The following NTN5 variants were observed in gnomAD, a reference collection of about 807,000 sequenced individuals.
The protein encoded by NTN5 is netrin 5, also known as netrin-5.
Under a neutral mutation model 38.7 loss-of-function variants are expected in NTN5, and 42 were observed. That is an observed-to-expected ratio of 1.08 (90% CI 0.85 to 1.40). The LOEUF is 1.40. Among genes scored for constraint, NTN5 ranks in the 40% most tolerant of loss-of-function variants. The pLI, the probability that NTN5 is intolerant of heterozygous loss-of-function variation, is 0.00. For synonymous variants in NTN5, 329 were observed against 303.9 expected, an observed-to-expected ratio of 1.08 and a Z score of -0.86; for missense variants, 658 against 716.5, an observed-to-expected ratio of 0.92 and a Z score of 0.93.
In NTN5 at chr19:48,664,688, A is replaced by T; in HGVS notation, c.711T>A (p.Gly237=). ...LFRLSGGRSG[G]VCERCRHHTA... Reference sequence around the variant, plus strand: ...TGTGGTGGCGGCACCGCTCACAAACACCCCCACTCCGGCCGCCCGACAGTC... The same window carrying T: ...TGTGGTGGCGGCACCGCTCACAAACTCCCCCACTCCGGCCGCCCGACAGTC... The change falls in exon 3 of 7, where the codon GGT becomes GGA. Residue 237 remains glycine (G), a synonymous_variant. Transcript: ENST00000270235. 6.2e-7 allele frequency: 1 copy of T among 1,606,968 alleles called. No homozygotes were observed. The highest frequency in any genetic ancestry group is 8.5e-7 in the Non-Finnish European group (1 of 1,177,532).
At chr19:48,663,216 A>T (rs1330388678) in intron 6 of NTN5, 1 of 627,266 alleles carries the variant, frequency 1.6e-6, no homozygotes, top group Admixed American at 2.1e-5. Flanking sequence ...GCTGAAGGAG[A>T]TGATGAAACT....
At position 48,670,539 on chromosome 19, in the gene NTN5, C is replaced by A; in HGVS notation, c.448G>T (p.Ala150Ser). 1 of 1,503,746 alleles carries A rather than the reference C, an allele frequency of 6.7e-7. No homozygotes were observed. The highest frequency in any genetic ancestry group is 8.9e-7 in the Non-Finnish European group (1 of 1,123,722). 93.2% of individuals were successfully genotyped at this position (1,503,746 alleles called of 1,614,324 possible). Residue 150 changes from alanine (A) to serine (S), a missense_variant, in exon 2 of 7, where the codon GCA (alanine) becomes TCA (serine). Ala to Ser is a moderately conservative substitution (Grantham distance 99, BLOSUM62 1). Transcript: ENST00000270235. ...VEFGGQAGLA[A>S]AGLRGRCQCH... ...TGGCAGCGGCCTCTCAGCCCAGCTG[C>A]CGCTAGCCCGGCCTGGCCCCCAAAC... is the stretch of plus-strand genomic sequence containing the variant.
chr19:48,664,890 G>T (rs2031658034), intron 2 of NTN5, 123 bp from the exon 3 acceptor site: 1 of 757,422 alleles, frequency 1.3e-6, no homozygotes. Flanking sequence ...AGAAGAGAAT[G>T]CCTGGGTCCC....
At chr19:48,668,435 A>G (rs1308536992) in intron 2 of NTN5, among the ~76,000 whole-genome samples, 2 of 152,206 alleles carry the variant, frequency 1.3e-5, no homozygotes, top group Non-Finnish European at 2.9e-5. Context: ...TGGTGGAGGA[A>G]ACTGGGGCAC....
intron 1 of NTN5, among the ~76,000 whole-genome samples, 151 bp from the exon 2 acceptor site, chr19:48,671,157 G>A (rs1322805383): frequency 1.3e-5 from 2 of 152,266 alleles, no homozygotes; most frequent in African/African-American, 2.4e-5. Context: ...TCCATCTGGG[G>A]AGAATTACTG....
rs955533448 is a variant in NTN5 at position 48,670,736 on chromosome 19, G to A, written c.251C>T (p.Thr84Ile). Residue 84 changes from threonine (T) to isoleucine (I), a missense_variant, in exon 2 of 7, where the codon ACC becomes ATC. Physicochemically the swap from Thr to Ile is moderately conservative, Grantham distance 89. Transcript: ENST00000270235. ...CAGGATGAGGGCTGGGGGTCCTGGG[G>A]TACAGAAGCGCAAGCTGACAGATGT... Reference protein sequence around the residue: ...LLTSVSLRFCTPGPPALILSA... With the variant: ...LLTSVSLRFCIPGPPALILSA... 1.9e-6 allele frequency: 3 copies of A among 1,612,966 alleles called. No individual in the cohort carries two copies. Among genetic ancestry groups the A allele is most frequent in the Non-Finnish European group, 2.5e-6 (3 of 1,179,910 alleles).
chr19:48,669,714 A>G (rs1330031972), intron 2 of NTN5, among the ~76,000 whole-genome samples: 1 of 141,264 alleles, frequency 7.1e-6, no homozygotes, highest in African/African-American at 2.7e-5. Flanking sequence ...CATCACCACC[A>G]TCACCACCAC....
In NTN5 at chr19:48,664,226, C is replaced by A. The variant is rs1367698432; in HGVS notation, c.887G>T (p.Cys296Phe). 1.2e-6 allele frequency: 2 copies of A among 1,612,296 alleles called. No individual in the cohort carries two copies. Among genetic ancestry groups the A allele is most frequent in the Admixed American group, 3.4e-5 (2 of 59,668 alleles). ...GGTCAGGCCTGTGACCCCTAACTTG[C>A]AGGTGCACTGCCCACTGGTCTGGTT... ...TCNQTSGQCT[C>F]KLGVTGLTCN... Residue 296 changes from cysteine to phenylalanine, a missense_variant, in exon 4 of 7, where the codon TGC becomes TTC. Physicochemically the swap from Cys to Phe is radical, Grantham distance 205 (BLOSUM62 -2). Transcript: ENST00000270235.
chr19:48,664,469 C>A lies in NTN5; in HGVS notation c.820+110G>T, dbSNP rs868658601. On this transcript the variant is annotated intron_variant, in intron 3 of 6. Transcript: ENST00000270235. ...TCAGGCCCAGAGTCCAGGCCCCCAG[C>A]CCCTCCTCCCTCAGATCCAGGAATC... 44 of 1,328,996 alleles carry A rather than the reference C, an allele frequency of 3.3e-5. No homozygotes were observed. The Middle Eastern group carries it at 1.6e-3, about 49-fold the overall frequency. 82.3% of individuals were successfully genotyped at this position (1,328,996 alleles called of 1,614,324 possible).
chr19:48,664,043 A>G (rs1188806910), intron 4 of NTN5, 100 bp downstream of exon 4: 1 of 1,413,666 alleles, frequency 7.1e-7, no homozygotes, highest in African/African-American at 1.4e-5. Context: ...TGGGCTCCCA[A>G]TTCCCAAGGC....
At chr19:48,663,943 CT>C (rs1322575420) in intron 4 of NTN5, 129 bp from the exon 5 acceptor site, 1 of 1,160,056 alleles carries the variant, frequency 8.6e-7, no homozygotes, top group East Asian at 2.5e-5. Context: ...GCAAGCATCC[CT>C]TGCCTTCAGG....
In NTN5 at chr19:48,668,205, C is replaced by T. The variant is rs1411525397; in HGVS notation, c.631+2151G>A. 4.6e-5 allele frequency among the ~76,000 whole-genome samples: 7 copies of T among 152,128 alleles called. No homozygotes were observed. In the East Asian group the frequency reaches 1.3e-3, roughly 29 times the overall value. ...TGCAGCATCTAGGAACTCAGGGCTCCCTGGGTTAAATCCCTTGCTGGCAAT... is the reference window on the plus strand; with the variant it reads ...TGCAGCATCTAGGAACTCAGGGCTCTCTGGGTTAAATCCCTTGCTGGCAAT... On this transcript the variant is annotated intron_variant, in intron 2 of 6. Transcript: ENST00000270235.
intron 5 of NTN5, 27 bp downstream of exon 5, chr19:48,663,734 A>G: frequency 6.2e-7 from 1 of 1,611,400 alleles, no homozygotes; most frequent in Non-Finnish European, 8.5e-7. Flanking sequence ...CTTGCCACTC[A>G]GGGACCTCCG....
intron 2 of NTN5, among the ~76,000 whole-genome samples, chr19:48,666,919 A>G (rs1440515625): frequency 6.6e-6 from 1 of 151,650 alleles, no homozygotes; most frequent in Non-Finnish European, 1.5e-5. Flanking sequence ...CTTTGAAGAG[A>G]CTTGGACTGC....
intron 1 of NTN5, among the ~76,000 whole-genome samples, chr19:48,671,799 C>G (rs1316348484): frequency 2.0e-5 from 3 of 152,082 alleles, no homozygotes; most frequent in Non-Finnish European, 2.9e-5. Flanking sequence ...CACCAAACAA[C>G]CCAGCCTCCC....
At chr19:48,670,094 C>T (rs1292877232) in intron 2 of NTN5, among the ~76,000 whole-genome samples, 1 of 149,162 alleles carries the variant, frequency 6.7e-6, no homozygotes, top group Middle Eastern at 3.2e-3. Context: ...CACCATCACA[C>T]CATCATCATC....
chr19:48,661,428 A>G lies in NTN5; in HGVS notation c.*249T>C. On this transcript the variant is annotated 3_prime_UTR_variant, in exon 7 of 7. Transcript: ENST00000270235. ...AAAATTCCCAAAGATTTGAGACTTT[A>G]TTGGGGGAAACAGATCACTGGCGGG... 1 of 377,280 alleles carries G rather than the reference A, an allele frequency of 2.7e-6. No homozygotes were observed. Among genetic ancestry groups the G allele is most frequent in the Non-Finnish European group, 4.7e-6 (1 of 213,684 alleles). 23.4% of individuals were successfully genotyped at this position (377,280 alleles called of 1,614,324 possible). A position where few individuals can be genotyped will look rare whatever the true frequency, so the allele number is the denominator to read the frequency against.
intron 2 of NTN5, among the ~76,000 whole-genome samples, 156 bp downstream of exon 2, chr19:48,670,200 G>A (rs1056092751): frequency 1.3e-5 from 2 of 152,134 alleles, no homozygotes; most frequent in African/African-American, 4.8e-5. Flanking sequence ...AGGACTGGCT[G>A]CAGGGAGGAG....
chr19:48,665,532 A>G (rs923624622), intron 2 of NTN5, among the ~76,000 whole-genome samples: 2 of 151,352 alleles, frequency 1.3e-5, no homozygotes, highest in East Asian at 2.0e-4. Flanking sequence ...TCTAAAGAGT[A>G]GGCTGCATCC....
Sources: gnomAD v4.1 joint callset for allele counts (sites outside exome capture counted in the v4.1 genomes callset) on GRCh38, gnomAD v4.1.1 for gene constraint, MANE v1.5 for transcripts, NCBI Gene and HGNC (gene_info 2026-07-23, HGNC 2026-07-21) for gene names.